Variants in ZNF827 observed in about 807,000 individuals in gnomAD.
ZNF827 encodes the protein zinc finger protein 827.
In ZNF827, 13 loss-of-function variants were observed where a neutral mutation model predicts 102.4. That is an observed-to-expected ratio of 0.13 (90% CI 0.08 to 0.20). ZNF827 has a LOEUF of 0.20. Ranked by LOEUF, ZNF827 falls within the 10% of genes least tolerant of loss-of-function variation. The pLI, the probability that ZNF827 is intolerant of heterozygous loss-of-function variation, is 1.00. For missense variants in ZNF827, 1,103 were observed against 1,344.4 expected (o/e 0.82, Z 2.81); for synonymous variants, 523 against 536.2 (o/e 0.98, Z 0.34).
intron 8 of ZNF827, among the ~76,000 whole-genome samples, chr4:145,781,195 C>CAAAAA (rs10605153): frequency 1.3e-3 from 76 of 56,548 alleles, no homozygotes; most frequent in East Asian, 5.4e-3. Context: ...GACACCATCT[C>CAAAAA]AAAAAAAAAA....
intron 5 of ZNF827, among the ~76,000 whole-genome samples, chr4:145,852,836 T>C (rs1052615007): frequency 6.6e-6 from 1 of 152,168 alleles, no homozygotes; most frequent in Non-Finnish European, 1.5e-5. Context: ...TGTGGTCATA[T>C]AGCACACTGC....
intron 1 of ZNF827, among the ~76,000 whole-genome samples, chr4:145,930,753 A>G (rs1401871441): frequency 6.6e-6 from 1 of 152,208 alleles, no homozygotes. Flanking sequence ...GAGTTGCTAA[A>G]GGCCACATTC....
At chr4:145,876,317 C>T (rs13101956) in intron 4 of ZNF827, among the ~76,000 whole-genome samples, 5,673 of 152,300 alleles carry the variant, frequency 0.037, 143 homozygotes, top group Middle Eastern at 0.065. Flanking sequence ...TCCTTGGCAT[C>T]TCTACGCACT....
At chr4:145,775,046 C>G (rs1232377910) in intron 10 of ZNF827, among the ~76,000 whole-genome samples, 1 of 152,166 alleles carries the variant, frequency 6.6e-6, no homozygotes, top group East Asian at 1.9e-4. Flanking sequence ...CACTGATAAA[C>G]TCGGAGAGCA....
chr4:145,780,106 G>A lies in ZNF827; in HGVS notation c.2384-595C>T, dbSNP rs1308342654. ...CTTCAGAGGCTGAGGCACGAGAATC[G>A]CTTGAAGCTGGGAGGCGGAGGTTGC... On this transcript the variant is annotated intron_variant, in intron 8 of 14. Transcript: ENST00000508784. Among the ~76,000 whole-genome samples the A allele has an allele frequency of 2.6e-5, 4 of 152,164 alleles. No individual in the cohort carries two copies. The South Asian group carries it at 6.2e-4, about 24-fold the overall frequency.
intron 1 of ZNF827, among the ~76,000 whole-genome samples, chr4:145,917,714 AAAAAAAAAAAAAG>A (rs1428811662): frequency 1.0e-4 from 15 of 147,284 alleles, no homozygotes; most frequent in South Asian, 4.2e-4. Flanking sequence ...AAAAAAAAAA[AAAAAAAAAAAAAG>A]AAAAGAAAAA....
At chr4:145,931,510 A>C (rs915734918) in intron 1 of ZNF827, among the ~76,000 whole-genome samples, 1 of 152,188 alleles carries the variant, frequency 6.6e-6, no homozygotes, top group East Asian at 1.9e-4. Flanking sequence ...CTTCGCCACA[A>C]AGCTCATGTT....
At chr4:145,923,722 A>G (rs999581220) in intron 1 of ZNF827, among the ~76,000 whole-genome samples, 4 of 152,234 alleles carry the variant, frequency 2.6e-5, no homozygotes, top group African/African-American at 9.6e-5. Context: ...TCTCTTTTGG[A>G]AAATATATTT....
intron 4 of ZNF827, among the ~76,000 whole-genome samples, chr4:145,881,273 T>C (rs1390876701): frequency 6.6e-6 from 1 of 152,242 alleles, no homozygotes; most frequent in Admixed American, 6.5e-5. Flanking sequence ...ACTGTCTCTG[T>C]GAGGCTAAAA....
chr4:145,911,361 G>A (rs939701730), intron 1 of ZNF827, among the ~76,000 whole-genome samples: 12 of 152,116 alleles, frequency 7.9e-5, no homozygotes, highest in Non-Finnish European at 1.6e-4. Context: ...GTTTCTCCAG[G>A]TACCGACATG....
chr4:145,932,526 G>A (rs1186053930), intron 1 of ZNF827, among the ~76,000 whole-genome samples: 1 of 150,442 alleles, frequency 6.6e-6, no homozygotes, highest in Non-Finnish European at 1.5e-5. Context: ...ACAGGCTGGA[G>A]TGTAGTGGCA....
Position 145,823,493 on chromosome 4 carries a change from G to A in ZNF827, c.2312C>T (p.Ser771Leu). 2 of 1,538,822 alleles carry A rather than the reference G, an allele frequency of 1.3e-6. No individual in the cohort carries two copies. The highest frequency in any genetic ancestry group is 1.8e-6 in the Non-Finnish European group (2 of 1,123,878). Reference protein sequence around the residue: ...PFFSEDTFRQSPFTSNSKELL... With the variant: ...PFFSEDTFRQLPFTSNSKELL... ...TTCTTTTGAATTGGAGGTGAATGGT[G>A]ATTGTCTAAATGTGTCTTCTGAAAA... The change falls in exon 8 of 15, where the codon TCA (serine) becomes TTA (leucine). Residue 771 changes from serine (S) to leucine (L), a missense_variant. Transcript: ENST00000508784.
At chr4:145,767,634 G>C (rs1735507829) in intron 11 of ZNF827, among the ~76,000 whole-genome samples, 1 of 152,210 alleles carries the variant, frequency 6.6e-6, no homozygotes, top group Non-Finnish European at 1.5e-5. Context: ...GATATGTTAT[G>C]TGCACAGGAA....
intron 4 of ZNF827, among the ~76,000 whole-genome samples, chr4:145,885,178 T>C (rs914368092): frequency 6.6e-6 from 1 of 152,178 alleles, no homozygotes; most frequent in African/African-American, 2.4e-5. Context: ...AAGATAGTTA[T>C]CATTTGCTCA....
intron 1 of ZNF827, among the ~76,000 whole-genome samples, chr4:145,904,402 C>T (rs1398380417): frequency 6.6e-6 from 1 of 152,110 alleles, no homozygotes; most frequent in Non-Finnish European, 1.5e-5. Flanking sequence ...CCATGGAAAA[C>T]CACATAGGGC....
chr4:145,766,924 C>G (rs1456300699), intron 11 of ZNF827, among the ~76,000 whole-genome samples: 1 of 152,090 alleles, frequency 6.6e-6, no homozygotes, highest in Non-Finnish European at 1.5e-5. Flanking sequence ...AAGCAAGACC[C>G]CAAAGGAACG....
At chr4:145,934,288 A>T (rs1007527322) in intron 1 of ZNF827, among the ~76,000 whole-genome samples, 1 of 152,152 alleles carries the variant, frequency 6.6e-6, no homozygotes, top group Non-Finnish European at 1.5e-5. Flanking sequence ...TCGCCATTCA[A>T]CCCTACAGTA....
At chr4:145,822,601 C>T (rs1048792443) in intron 8 of ZNF827, among the ~76,000 whole-genome samples, 40 of 151,840 alleles carry the variant, frequency 2.6e-4, no homozygotes, top group African/African-American at 8.5e-4. Flanking sequence ...TGGAGGCTAC[C>T]GAGTGCTGCT....
At chr4:145,790,238 ATTGT>A (rs1739478033) in intron 8 of ZNF827, among the ~76,000 whole-genome samples, 1 of 152,134 alleles carries the variant, frequency 6.6e-6, no homozygotes, top group African/African-American at 2.4e-5. Flanking sequence ...AAACATTATC[ATTGT>A]TTGGGCAGAT....
Sources: gnomAD v4.1 joint callset for allele counts (sites outside exome capture counted in the v4.1 genomes callset) on GRCh38, gnomAD v4.1.1 for gene constraint, MANE v1.5 for transcripts, NCBI Gene and HGNC (gene_info 2026-07-23, HGNC 2026-07-21) for gene names.